Variants in ACAP3 observed in about 807,000 individuals in gnomAD.
ACAP3 encodes the protein ArfGAP with coiled-coil, ankyrin repeat and PH domains 3.
ACAP3 carries 56 observed loss-of-function variants against 104.1 expected under a neutral mutation model. The ratio of observed to expected loss-of-function variants is 0.54; its 90% confidence interval spans 0.43 to 0.67. The LOEUF (loss-of-function observed/expected upper bound fraction) is 0.67, where lower values mean the gene tolerates loss of function less well. Ranked by LOEUF, ACAP3 falls within the 30% of genes least tolerant of loss-of-function variation. The pLI is 0.00. For missense variants in ACAP3, 1,208 were observed against 1,174.9 expected, an observed-to-expected ratio of 1.03 and a Z score of -0.41; for synonymous variants, 628 against 496.2, an observed-to-expected ratio of 1.27 and a Z score of -3.53.
intron 1 of ACAP3, chr1:1,305,379 G>A (rs1166076448): frequency 6.5e-6 from 1 of 152,816 alleles, no homozygotes; most frequent in Non-Finnish European, 1.5e-5. Flanking sequence ...CCAGAACAGA[G>A]AAGGGACCAT....
In ACAP3 at chr1:1,299,279, G is replaced by A. The variant is rs181914275; in HGVS notation, c.750+66C>T. On this transcript the variant is annotated intron_variant, in intron 10 of 23. Transcript: ENST00000354700. ...GCTGAAGTGCCCTTGGGGTAGAGGA[G>A]GGAAAGGCACCGCCCCATCTGGTCT... 282 of 1,562,130 alleles carry A rather than the reference G, an allele frequency of 1.8e-4. No individual in the cohort carries two copies. In the African/African-American group the frequency reaches 3.3e-3, roughly 18 times the overall value.
At chr1:1,306,350 G>A (rs1641694455) in intron 1 of ACAP3, among the ~76,000 whole-genome samples, 1 of 152,092 alleles carries the variant, frequency 6.6e-6, no homozygotes, top group South Asian at 2.1e-4. Context: ...GGAGAAGGTG[G>A]GTGCTTCAGC....
rs372915071 is a variant in ACAP3, at chr1:1,296,018, G to C, written c.1499C>G (p.Ser500Cys). The change falls in exon 17 of 24, where the codon TCC (serine) becomes TGC (cysteine). Residue 500 changes from serine (S) to cysteine (C), a missense_variant. Ser to Cys is a moderately radical substitution (Grantham distance 112). Coordinates refer to ENST00000354700, the MANE Select transcript of ACAP3 (RefSeq NM_030649.3). ...TCCAGACTGTACCCCACCTCACCGGGAGCTGCTGGCTGTGGGTTTCCTGCT... is the reference window on the plus strand; with the variant it reads ...TCCAGACTGTACCCCACCTCACCGGCAGCTGCTGGCTGTGGGTTTCCTGCT... Reference protein sequence around the residue: ...AGSRKPTASSSRQDKEAWIKD... With the variant: ...AGSRKPTASSCRQDKEAWIKD... 1 of 1,612,778 alleles carries C rather than the reference G, an allele frequency of 6.2e-7. No homozygotes were observed. Among genetic ancestry groups the C allele is most frequent in the East Asian group, 2.2e-5 (1 of 44,878 alleles).
intron 9 of ACAP3, chr1:1,299,577 C>T (rs968261925): frequency 2.8e-6 from 2 of 716,254 alleles, no homozygotes; most frequent in South Asian, 2.0e-5. Flanking sequence ...AGCAAAGGCC[C>T]CGCAAGGAGC....
At chr1:1,299,012 G>A (rs974297290) in intron 10 of ACAP3, 13 of 556,046 alleles carry the variant, frequency 2.3e-5, no homozygotes, top group Middle Eastern at 4.7e-4. Flanking sequence ...CCATTCATGT[G>A]GCCAGCTGGG....
chr1:1,294,013 G>T (rs900085012), intron 22 of ACAP3, 77 bp downstream of exon 22: 1 of 1,476,062 alleles, frequency 6.8e-7, no homozygotes, highest in African/African-American at 1.5e-5. Flanking sequence ...GCCGGATAGG[G>T]CATGGCGGAC....
intron 14 of ACAP3, among the ~76,000 whole-genome samples, chr1:1,296,938 CGT>C (rs1641197725): frequency 6.6e-6 from 1 of 152,222 alleles, no homozygotes; most frequent in Non-Finnish European, 1.5e-5. Flanking sequence ...CCCACACGCG[CGT>C]GTATACGTGC....
intron 14 of ACAP3, 21 bp from the exon 15 acceptor site, chr1:1,296,654 G>T: frequency 6.6e-7 from 1 of 1,525,046 alleles, no homozygotes; most frequent in Non-Finnish European, 8.8e-7. Context: ...GGGTGGAGCT[G>T]CTCGGTCCCG....
intron 1 of ACAP3, chr1:1,307,124 C>A: frequency 8.1e-7 from 1 of 1,229,444 alleles, no homozygotes; most frequent in Non-Finnish European, 1.1e-6. Context: ...CAAATGTCCA[C>A]CAAGCAAAGC....
rs780538787 is a variant in ACAP3 at position 1,293,648 on chromosome 1, C to T, written c.2421G>A (p.Pro807=). The change falls in exon 24 of 24, where the codon CCG becomes CCA. Residue 807 remains proline, a synonymous_variant. Coordinates refer to ENST00000354700, the MANE Select transcript of ACAP3 (RefSeq NM_030649.3). ...MREAEAAPGP[P]GALAGSPTEL... ...CCGTGGGGCTGCCCGCCAGGGCGCC[C>T]GGGGGACCAGGGGCAGCCTCGGCCT... 14 of 1,477,832 alleles carry T rather than the reference C, an allele frequency of 9.5e-6. No homozygotes were observed. The South Asian group carries it at 1.4e-4, about 15-fold the overall frequency. The allele number at this position is 1,477,832 out of a possible 1,614,324, so 91.5% of individuals were successfully genotyped here. A position where few individuals can be genotyped will look rare whatever the true frequency, so the allele number is the denominator to read the frequency against.
chr1:1,305,397 G>A (rs959150964), intron 1 of ACAP3: 2 of 152,652 alleles, frequency 1.3e-5, no homozygotes, highest in African/African-American at 4.8e-5. Flanking sequence ...CATCCTCCCA[G>A]GAGAAGGCAG....
Position 1,300,555 on chromosome 1 carries a change from A to T in ACAP3, c.476T>A (p.Leu159His). 6.2e-7 allele frequency: 1 copy of T among 1,611,986 alleles called. No homozygotes were observed. Among genetic ancestry groups the T allele is most frequent in the Non-Finnish European group, 8.5e-7 (1 of 1,179,662 alleles). ...CAGGTGGCGGAAGCACTTCCTGGTG[A>T]GGGTGAGGGCCCCGGTGGCTTCCTC... ...EVEEATGALT[L>H]TRKCFRHLAL... is the part of the protein sequence containing the mutation. The change falls in exon 6 of 24, where the codon CTC becomes CAC. Residue 159 changes from leucine to histidine, a missense_variant. Coordinates refer to ENST00000354700, the MANE Select transcript of ACAP3 (RefSeq NM_030649.3).
Position 1,294,599 on chromosome 1 carries a change from C to G in ACAP3, c.1942G>C (p.Glu648Gln). Residue 648 changes from glutamate to glutamine, a missense_variant, in exon 21 of 24, where the codon GAG (glutamate) becomes CAG (glutamine). Glu to Gln is a conservative substitution (Grantham distance 29). Transcript: ENST00000354700. ...TCGGCCTCAGTGTCCCCGTCTGCCT[C>G]ACCGCTGGACTCCTCCGACTCTGCA... is the stretch of plus-strand genomic sequence containing the variant. ...EGAESEESSG[E>Q]ADGDTEAEAW... 6.6e-7 allele frequency: 1 copy of G among 1,516,808 alleles called. No individual in the cohort carries two copies. The highest frequency in any genetic ancestry group is 1.3e-5 in the South Asian group (1 of 79,680). The allele number at this position is 1,516,808 out of a possible 1,614,324, so 94.0% of individuals were successfully genotyped here.
Position 1,295,478 on chromosome 1 carries a change from G to C in ACAP3, c.1782C>G (p.Phe594Leu). The change falls in exon 19 of 24, where the codon TTC becomes TTG. Residue 594 changes from phenylalanine (F) to leucine (L), a missense_variant. By Grantham distance (22) the Phe-to-Leu change is conservative (BLOSUM62 0). Coordinates refer to ENST00000354700, the MANE Select transcript of ACAP3 (RefSeq NM_030649.3). ...PDELDSLFSYFDAGAAGAGPR... is the reference protein window; with the variant it reads ...PDELDSLFSYLDAGAAGAGPR... ...GGCCAGCCCCTGCGGCCCCTGCGTC[G>C]AAGTAGGAGAAGAGCGAGTCCAGCT... The C allele has an allele frequency of 6.2e-7, 1 of 1,612,576 alleles. No homozygotes were observed. The highest frequency in any genetic ancestry group is 8.5e-7 in the Non-Finnish European group (1 of 1,179,886).
intron 1 of ACAP3, among the ~76,000 whole-genome samples, chr1:1,306,833 CTA>C (rs1641734089): frequency 1.3e-5 from 2 of 152,230 alleles, no homozygotes; most frequent in African/African-American, 2.4e-5. Flanking sequence ...GGTGATGTGT[CTA>C]TTGCTGACAT....
Position 1,298,090 on chromosome 1 carries a change from A to G in ACAP3, c.939T>C (p.Asp313=), listed in dbSNP as rs1641274886. The change falls in exon 13 of 24, where the codon GAT becomes GAC. Residue 313 remains aspartate (D), a synonymous_variant. Coordinates refer to ENST00000354700, the MANE Select transcript of ACAP3 (RefSeq NM_030649.3). The part of the protein sequence containing the change: ...KLKDALTVVV[D]DLRLCSVKPC... ...GCTTCACAGAGCACAGGCGGAGGTCATCCACCACCACGGTGAGGGCATCCT... is the reference window on the plus strand; with the variant it reads ...GCTTCACAGAGCACAGGCGGAGGTCGTCCACCACCACGGTGAGGGCATCCT... 6.2e-7 allele frequency: 1 copy of G among 1,608,862 alleles called. No individual in the cohort carries two copies. Among genetic ancestry groups the G allele is most frequent in the African/African-American group, 1.3e-5 (1 of 74,800 alleles).
At position 1,294,456 on chromosome 1, in the gene ACAP3, G is replaced by A; in HGVS notation, c.2085C>T (p.Asn695=). 1 of 1,570,328 alleles carries A rather than the reference G, an allele frequency of 6.4e-7. No homozygotes were observed. The highest frequency in any genetic ancestry group is 8.6e-7 in the Non-Finnish European group (1 of 1,164,558). Residue 695 remains asparagine, a synonymous_variant, in exon 21 of 24, where the codon AAC becomes AAT. Transcript: ENST00000354700. The part of the protein sequence containing the change: ...AAALAHGAEV[N]WADAEDEGKT... ...TGCCCTCATCCTCCGCGTCCGCCCA[G>A]TTGACCTCGGCCCCGTGGGCCAGCG...
chr1:1,296,628 C>T lies in ACAP3; in HGVS notation c.1134G>A (p.Leu378=), dbSNP rs1641171557. 3.3e-6 allele frequency: 5 copies of T among 1,535,578 alleles called. No homozygotes were observed. Among genetic ancestry groups the T allele is most frequent in the South Asian group, 1.2e-5 (1 of 83,940 alleles). Residue 378 remains leucine (L), a synonymous_variant, in exon 15 of 24, where the codon CTG becomes CTA. Coordinates refer to ENST00000354700, the MANE Select transcript of ACAP3 (RefSeq NM_030649.3). The part of the protein sequence containing the change: ...ESPDSCYSER[L]DRTASPSTSS... ...TCGTGGACGGGGATGCTGTGCGGTC[C>T]AGCCTCTGGAGGATGGGGTGGAGCT...
At chr1:1,295,615 GGTCACGCCGGGA>G in intron 18 of ACAP3, 61 bp from the exon 19 acceptor site, 1 of 1,578,808 alleles carries the variant, frequency 6.3e-7, no homozygotes, top group African/African-American at 1.4e-5. Flanking sequence ...GGGAACCCCA[GGTCACGCCGGGA>G]GTCTGCGGAG....
Sources: gnomAD v4.1 joint callset for allele counts (sites outside exome capture counted in the v4.1 genomes callset) on GRCh38, gnomAD v4.1.1 for gene constraint, MANE v1.5 for transcripts, NCBI Gene and HGNC (gene_info 2026-07-23, HGNC 2026-07-21) for gene names.